The following RBMS1 variants were observed in gnomAD, a reference collection of about 807,000 sequenced individuals.
RBMS1 encodes RNA-binding motif, single-stranded-interacting protein 1.
RBMS1 carries 17 observed loss-of-function variants against 62.3 expected under a neutral mutation model. The ratio of observed to expected loss-of-function variants is 0.27; its 90% CI spans 0.19 to 0.41. The LOEUF is 0.41. Among genes scored for constraint, RBMS1 ranks in the 10% least tolerant of loss-of-function variants. The pLI is 1.00. For synonymous variants in RBMS1, 172 were observed against 170.0 expected (o/e 1.01, Z -0.09); for missense variants, 334 against 504.5 (o/e 0.66, Z 3.24).
intron 1 of RBMS1, among the ~76,000 whole-genome samples, chr2:160,394,042 T>C (rs908608692): frequency 6.6e-6 from 1 of 152,234 alleles, no homozygotes; most frequent in Non-Finnish European, 1.5e-5. Context: ...ATCGCAGAAT[T>C]CATTCAGGAT....
intron 1 of RBMS1, among the ~76,000 whole-genome samples, chr2:160,471,730 T>C (rs2105345516): frequency 7.4e-6 from 1 of 134,282 alleles, no homozygotes; most frequent in South Asian, 2.4e-4. Flanking sequence ...CTTTCATACA[T>C]TCTGATTATA....
chr2:160,431,611 C>T (rs577514911), intron 1 of RBMS1, among the ~76,000 whole-genome samples: 17 of 151,900 alleles, frequency 1.1e-4, no homozygotes, highest in African/African-American at 3.9e-4. Context: ...AGACTTGACT[C>T]ATACTTATTT....
At chr2:160,351,159 C>T (rs542724710) in intron 2 of RBMS1, among the ~76,000 whole-genome samples, 1 of 147,264 alleles carries the variant, frequency 6.8e-6, no homozygotes, top group Non-Finnish European at 1.5e-5. Context: ...GGGAACACCA[C>T]ACACCGGGGC....
chr2:160,426,273 G>GAA (rs750274040), intron 1 of RBMS1, among the ~76,000 whole-genome samples: 1 of 117,870 alleles, frequency 8.5e-6, no homozygotes, highest in African/African-American at 3.3e-5. Flanking sequence ...AAGAAAGAAA[G>GAA]AAAGAAAGAA....
chr2:160,450,564 G>GAAAAAAAAAAAAAAAAAAAAA (rs1181640365), intron 1 of RBMS1, among the ~76,000 whole-genome samples: 2 of 56,582 alleles, frequency 3.5e-5, no homozygotes, highest in East Asian at 8.4e-4. Flanking sequence ...AATAAAAAAT[G>GAAAAAAAAAAAAAAAAAAAAA]AAAAAAAAAA....
At chr2:160,474,090 C>G (rs1685033976) in intron 1 of RBMS1, among the ~76,000 whole-genome samples, 1 of 151,762 alleles carries the variant, frequency 6.6e-6, no homozygotes, top group African/African-American at 2.4e-5. Context: ...CTCAAGAACT[C>G]AATTAAATGA....
intron 2 of RBMS1, among the ~76,000 whole-genome samples, chr2:160,320,280 C>G (rs1484256074): frequency 2.6e-5 from 4 of 152,146 alleles, no homozygotes; most frequent in Admixed American, 2.0e-4. Context: ...CCAGGCTGGG[C>G]AACACGGCAA....
At chr2:160,409,252 C>T (rs1695922455) in intron 1 of RBMS1, among the ~76,000 whole-genome samples, 1 of 149,340 alleles carries the variant, frequency 6.7e-6, no homozygotes, top group Admixed American at 6.7e-5. Flanking sequence ...CCGTATAAAA[C>T]ACACATGTAA....
intron 1 of RBMS1, among the ~76,000 whole-genome samples, 164 bp downstream of exon 1, chr2:160,493,125 G>A (rs1270493135): frequency 6.6e-6 from 1 of 152,052 alleles, no homozygotes; most frequent in Non-Finnish European, 1.5e-5. Context: ...GCCGCCCCGC[G>A]CGCCGCCCGG....
At chr2:160,451,744 G>A (rs977262565) in intron 1 of RBMS1, among the ~76,000 whole-genome samples, 52 of 151,954 alleles carry the variant, frequency 3.4e-4, no homozygotes, top group Non-Finnish European at 7.4e-4. Context: ...GAGTAGCTGG[G>A]ATTACAGGTG....
At chr2:160,299,145 C>T (rs1046546211) in intron 6 of RBMS1, among the ~76,000 whole-genome samples, 23 of 152,184 alleles carry the variant, frequency 1.5e-4, no homozygotes. Flanking sequence ...GAATTTCAAC[C>T]ACACACCAGG....
chr2:160,483,072 T>C (rs1477989521), intron 1 of RBMS1, among the ~76,000 whole-genome samples: 1 of 142,234 alleles, frequency 7.0e-6, no homozygotes, highest in Non-Finnish European at 1.5e-5. Flanking sequence ...TAAAAAATAA[T>C]CTCTCTTAAA....
At chr2:160,302,227 A>G (rs4278892) in intron 5 of RBMS1, among the ~76,000 whole-genome samples, 114,774 of 151,132 alleles carry the variant, frequency 0.76, 44,117 homozygotes, top group East Asian at 0.83. Context: ...TTAAAGACAG[A>G]TCTGTCACCC....
chr2:160,306,940 T>G (rs911737053), intron 4 of RBMS1, among the ~76,000 whole-genome samples: 2 of 152,140 alleles, frequency 1.3e-5, no homozygotes, highest in African/African-American at 4.8e-5. Flanking sequence ...CTTTCAATTA[T>G]AGGTGACCAA....
chr2:160,409,952 G>T (rs933905877), intron 1 of RBMS1, among the ~76,000 whole-genome samples: 2 of 152,170 alleles, frequency 1.3e-5, no homozygotes, highest in African/African-American at 4.8e-5. Flanking sequence ...ACTCTGGCCG[G>T]GCACGGTGGC....
intron 1 of RBMS1, among the ~76,000 whole-genome samples, chr2:160,467,507 T>A (rs1389809776): frequency 6.6e-6 from 1 of 152,194 alleles, no homozygotes; most frequent in Non-Finnish European, 1.5e-5. Context: ...TGTGAAGACA[T>A]GGTCATCTAG....
Position 160,303,847 on chromosome 2 carries a change from G to A in RBMS1, c.403-360C>T, listed in dbSNP as rs1574246086. On this transcript the variant is annotated intron_variant, in intron 4 of 13. Transcript: ENST00000348849. ...TTTCAGGCACACTATTGCGCAGGAA[G>A]CTATTATTTCAATTTAATTATTGCT... Among the ~76,000 whole-genome samples the A allele has an allele frequency of 2.6e-5, 4 of 152,218 alleles. No individual in the cohort carries two copies. The South Asian group carries it at 8.3e-4, about 32-fold the overall frequency.
intron 1 of RBMS1, among the ~76,000 whole-genome samples, chr2:160,393,878 C>T (rs1008426239): frequency 6.6e-6 from 1 of 152,022 alleles, no homozygotes; most frequent in Non-Finnish European, 1.5e-5. Flanking sequence ...GGTTTTGTTA[C>T]AAATAAGCTA....
intron 1 of RBMS1, among the ~76,000 whole-genome samples, chr2:160,424,022 C>CTTT (rs72304534): frequency 1.4e-5 from 2 of 142,692 alleles, no homozygotes; most frequent in Non-Finnish European, 1.5e-5. Flanking sequence ...AGTGCCATTT[C>CTTT]TTTTTTTTTT....
Sources: gnomAD v4.1 joint callset for allele counts (sites outside exome capture counted in the v4.1 genomes callset) on GRCh38, gnomAD v4.1.1 for gene constraint, MANE v1.5 for transcripts, NCBI Gene and HGNC (gene_info 2026-07-23, HGNC 2026-07-21) for gene names.